The following DISC1 variants were observed in gnomAD, a reference collection of about 807,000 sequenced individuals.
DISC1 encodes the protein disrupted in schizophrenia 1 protein.
Under a neutral mutation model 84.5 loss-of-function variants are expected in DISC1, and 57 were observed. The ratio of observed to expected loss-of-function variants is 0.67; its 90% CI spans 0.55 to 0.84. The LOEUF is 0.84. Ranked by LOEUF, DISC1 falls within the 40% of genes least tolerant of loss-of-function variation. DISC1 has a pLI of 0.00. For missense variants in DISC1, 1,000 were observed against 1,057.8 expected, an observed-to-expected ratio of 0.95 and a Z score of 0.76; for synonymous variants, 411 against 415.2, an observed-to-expected ratio of 0.99 and a Z score of 0.12.
chr1:231,784,549 T>G lies in DISC1; in HGVS notation c.1635-10693T>G, dbSNP rs111904135. On this transcript the variant is annotated intron_variant, in intron 6 of 12. Transcript: ENST00000439617. ...AGAGAAAAACTCTAAATATATTTAT[T>G]CCACCCTTGTTAAAAATTTATGTGC... 3.0e-3 allele frequency among the ~76,000 whole-genome samples: 458 copies of G among 152,346 alleles called. 4 individuals carry two copies. The highest frequency in any genetic ancestry group is 0.01 in the African/African-American group (434 of 41,574).
intron 9 of DISC1, among the ~76,000 whole-genome samples, chr1:231,847,477 G>A (rs2083542052): frequency 1.3e-5 from 2 of 152,084 alleles, no homozygotes; most frequent in Admixed American, 1.3e-4. Flanking sequence ...TCCTTGCCTA[G>A]CACTCTTCTG....
chr1:231,878,328 G>A (rs1363083971), intron 9 of DISC1, among the ~76,000 whole-genome samples: 1 of 152,182 alleles, frequency 6.6e-6, no homozygotes, highest in Non-Finnish European at 1.5e-5. Context: ...AGGGCACAGA[G>A]AGACCGCCCT....
intron 9 of DISC1, among the ~76,000 whole-genome samples, chr1:231,903,168 C>A (rs371504900): frequency 4.9e-4 from 74 of 151,574 alleles, no homozygotes; most frequent in African/African-American, 1.7e-3. Context: ...CTCAAGTGAT[C>A]CTCCCACCTC....
intron 3 of DISC1, among the ~76,000 whole-genome samples, chr1:231,724,539 TAA>T (rs1257680630): frequency 6.6e-6 from 1 of 151,792 alleles, no homozygotes; most frequent in Non-Finnish European, 1.5e-5. Context: ...AGAGGGGAGG[TAA>T]AGAGTTGTCA....
At chr1:231,827,254 G>T (rs910672603) in intron 9 of DISC1, among the ~76,000 whole-genome samples, 1 of 152,038 alleles carries the variant, frequency 6.6e-6, no homozygotes, top group Admixed American at 6.6e-5. Context: ...CTAAAGGGCT[G>T]GGATTACAGG....
chr1:231,880,407 G>T (rs1490558314), intron 9 of DISC1, among the ~76,000 whole-genome samples: 1 of 152,216 alleles, frequency 6.6e-6, no homozygotes, highest in Non-Finnish European at 1.5e-5. Context: ...CCTGGGTTGA[G>T]AGTAGTGAGA....
At position 231,745,784 on chromosome 1, in the gene DISC1, C is replaced by T. The variant is rs148647495; in HGVS notation, c.1118-4142C>T. On this transcript the variant is annotated intron_variant, in intron 3 of 12. Transcript: ENST00000439617. ...ACCCTGATACAGTTTGGATGTTTGT[C>T]CCCTTCAAATTTCATGTTGAAATGT... 1.3e-5 allele frequency among the ~76,000 whole-genome samples: 2 copies of T among 152,124 alleles called. 1 individual carries two copies. Among genetic ancestry groups the T allele is most frequent in the South Asian group, 4.1e-4 (2 of 4,830 alleles).
intron 11 of DISC1, among the ~76,000 whole-genome samples, chr1:232,011,756 T>C (rs1047081893): frequency 1.3e-5 from 2 of 152,212 alleles, no homozygotes; most frequent in African/African-American, 2.4e-5. Flanking sequence ...AATTTTACTG[T>C]GTATGACTTT....
At chr1:231,904,027 C>T (rs750594315) in intron 9 of DISC1, among the ~76,000 whole-genome samples, 2 of 152,178 alleles carry the variant, frequency 1.3e-5, no homozygotes, top group Middle Eastern at 3.2e-3. Context: ...GGAGCCAGGA[C>T]ACTGGCCCTG....
Position 231,995,534 on chromosome 1 carries a change from C to T in DISC1, c.2043-13251C>T, listed in dbSNP as rs1435562251. ...GTCCCCAGAGTGTGATGTTCCCCTTCCTGTGTCCATGTGTTCTCATTGTTC... is the reference window on the plus strand; with the variant it reads ...GTCCCCAGAGTGTGATGTTCCCCTTTCTGTGTCCATGTGTTCTCATTGTTC... On this transcript the variant is annotated intron_variant, in intron 10 of 12. Coordinates refer to ENST00000439617, the MANE Select transcript of DISC1 (RefSeq NM_018662.3). Among the ~76,000 whole-genome samples, 3 of 151,950 alleles carry T rather than the reference C, an allele frequency of 2.0e-5. No individual in the cohort carries two copies. The East Asian group carries it at 5.8e-4, about 29-fold the overall frequency.
At chr1:231,841,926 T>A (rs1202939798) in intron 9 of DISC1, among the ~76,000 whole-genome samples, 5 of 152,216 alleles carry the variant, frequency 3.3e-5, no homozygotes, top group Admixed American at 1.3e-4. Context: ...GATATTTAAT[T>A]CTTTTTGCAT....
chr1:231,928,826 T>C (rs1169555535), intron 9 of DISC1, among the ~76,000 whole-genome samples: 1 of 152,248 alleles, frequency 6.6e-6, no homozygotes, highest in Admixed American at 6.5e-5. Context: ...CCAGTAATCA[T>C]ACAGGACCAG....
chr1:231,851,631 G>A (rs1303586264), intron 9 of DISC1, among the ~76,000 whole-genome samples: 3 of 152,130 alleles, frequency 2.0e-5, no homozygotes, highest in Non-Finnish European at 4.4e-5. Context: ...AGGCTGTGGC[G>A]GAGACAGAGA....
rs368268767 is a variant in DISC1 at position 231,816,214 on chromosome 1, T to G, written c.1793-2115T>G. ...CTTAATGATTAATGATGTCAAATGT[T>G]TTTTCATATGCTTATTAGCCATTTG... On this transcript the variant is annotated intron_variant, in intron 8 of 12. Coordinates refer to ENST00000439617, the MANE Select transcript of DISC1 (RefSeq NM_018662.3). 2.8e-4 allele frequency among the ~76,000 whole-genome samples: 42 copies of G among 152,354 alleles called. 2 individuals are homozygous for G. The highest frequency in any genetic ancestry group is 8.2e-4 in the African/African-American group (34 of 41,588).
At chr1:231,762,248 CTTTTCTTTATTTT>C (rs1558498673) in intron 4 of DISC1, among the ~76,000 whole-genome samples, 832 of 20,654 alleles carry the variant, frequency 0.04, 11 homozygotes, top group African/African-American at 0.12. Context: ...CTTTTCTTTT[CTTTTCTTTATTTT>C]CTTTCCTTTC....
Position 231,749,918 on chromosome 1 carries a change from G to A in DISC1, c.1118-8G>A, listed in dbSNP as rs2074421676. ...TTTTTCCTCTCTCTCATCATTTTGG[G>A]TTTCCAGCTGAGACGTTACAACAAA... On this transcript the variant is annotated splice_region_variant and splice_polypyrimidine_tract_variant and intron_variant, in intron 3 of 12. Transcript: ENST00000439617. The A allele has an allele frequency of 6.2e-7, 1 of 1,614,012 alleles. No individual in the cohort carries two copies. Among genetic ancestry groups the A allele is most frequent in the Admixed American group, 1.7e-5 (1 of 59,994 alleles).
At chr1:231,855,980 C>A (rs1312980004) in intron 9 of DISC1, among the ~76,000 whole-genome samples, 1 of 152,330 alleles carries the variant, frequency 6.6e-6, no homozygotes, top group East Asian at 1.9e-4. Flanking sequence ...GTGGCTGCCA[C>A]TCTCTGGGTG....
intron 8 of DISC1, among the ~76,000 whole-genome samples, chr1:231,802,608 C>T (rs1189186708): frequency 2.0e-5 from 3 of 152,130 alleles, no homozygotes; most frequent in Non-Finnish European, 1.5e-5. Context: ...GTAGGAATAA[C>T]AAATTAGTTT....
intron 6 of DISC1, among the ~76,000 whole-genome samples, chr1:231,788,422 T>G (rs904916447): frequency 6.6e-6 from 1 of 152,218 alleles, no homozygotes; most frequent in Non-Finnish European, 1.5e-5. Flanking sequence ...TCATCTTCCC[T>G]CTATGCATGT....
Sources: gnomAD v4.1 joint callset for allele counts (sites outside exome capture counted in the v4.1 genomes callset) on GRCh38, gnomAD v4.1.1 for gene constraint, MANE v1.5 for transcripts, NCBI Gene and HGNC (gene_info 2026-07-23, HGNC 2026-07-21) for gene names.